ZFHX3: variants seen among roughly 807,000 people sequenced by gnomAD.
ZFHX3 encodes zinc finger homeobox 3.
A neutral mutation model predicts 279.1 loss-of-function variants in ZFHX3; 42 were observed. The ratio of observed to expected loss-of-function variants is 0.15; its 90% CI spans 0.12 to 0.19. The LOEUF (loss-of-function observed/expected upper bound fraction) is 0.19. Among genes scored for constraint, ZFHX3 ranks in the 10% least tolerant of loss-of-function variants. The probability of loss-of-function intolerance (pLI) is 1.00; values close to 1 mark genes in which losing one functional copy is unlikely to be tolerated. For synonymous variants in ZFHX3, 2,293 were observed against 1,957.8 expected (o/e 1.17, Z -4.52); for missense variants, 4,981 against 4,754.0 (o/e 1.05, Z -1.40).
chr16:73,845,376 G>A (rs1046342736), intron 1 of ZFHX3, among the ~76,000 whole-genome samples: 4 of 152,118 alleles, frequency 2.6e-5, no homozygotes, highest in Admixed American at 2.6e-4. Flanking sequence ...ATGCAAAGGA[G>A]CTAGTACAAG....
intron 1 of ZFHX3, among the ~76,000 whole-genome samples, chr16:73,749,463 A>G (rs906367103): frequency 6.6e-6 from 1 of 152,102 alleles, no homozygotes; most frequent in Non-Finnish European, 1.5e-5. Context: ...TATTACAGCT[A>G]TTTACTATGC....
intron 6 of ZFHX3, among the ~76,000 whole-genome samples, chr16:73,143,558 C>G (rs1408356626): frequency 6.6e-6 from 1 of 152,168 alleles, no homozygotes; most frequent in Non-Finnish European, 1.5e-5. Flanking sequence ...CCGAAAAATG[C>G]ACACAGAAAT....
At chr16:72,971,092 G>T (rs770175147) in intron 1 of ZFHX3, among the ~76,000 whole-genome samples, 2 of 152,096 alleles carry the variant, frequency 1.3e-5, no homozygotes, top group African/African-American at 4.8e-5. Flanking sequence ...CTCGGATCAC[G>T]CTGCTGTTTA....
chr16:73,610,178 C>G (rs2052230673), intron 2 of ZFHX3: 1 of 151,144 alleles, frequency 6.6e-6, no homozygotes, highest in Admixed American at 6.6e-5. Flanking sequence ...CCAAAGTATG[C>G]ACTTTCAGAA....
chr16:73,543,367 C>T (rs1216814658), intron 2 of ZFHX3, among the ~76,000 whole-genome samples: 1 of 152,194 alleles, frequency 6.6e-6, no homozygotes, highest in African/African-American at 2.4e-5. Flanking sequence ...TTATATGGAA[C>T]GCCTTCAGTT....
chr16:73,303,125 C>T (rs2015097593), intron 4 of ZFHX3, among the ~76,000 whole-genome samples: 1 of 151,798 alleles, frequency 6.6e-6, no homozygotes, highest in Non-Finnish European at 1.5e-5. Context: ...AACTCCTGGG[C>T]TCAAGTGATC....
At chr16:73,859,401 T>C (rs999725679) in intron 1 of ZFHX3, among the ~76,000 whole-genome samples, 4 of 152,200 alleles carry the variant, frequency 2.6e-5, no homozygotes, top group South Asian at 4.1e-4. Flanking sequence ...GGCCCTCCCT[T>C]GACTCCTGTC....
chr16:73,107,271 C>T (rs1427463950), intron 7 of ZFHX3, among the ~76,000 whole-genome samples: 1 of 151,902 alleles, frequency 6.6e-6, no homozygotes, highest in Non-Finnish European at 1.5e-5. Context: ...GATCATGCCA[C>T]TGCACTCCAG....
At chr16:73,849,876 G>C (rs189636528) in intron 1 of ZFHX3, among the ~76,000 whole-genome samples, 1 of 152,180 alleles carries the variant, frequency 6.6e-6, no homozygotes, top group African/African-American at 2.4e-5. Flanking sequence ...GGGATTACAG[G>C]CACCTGCCAC....
chr16:72,994,822 T>C (rs1200155172), intron 1 of ZFHX3, among the ~76,000 whole-genome samples: 1 of 152,244 alleles, frequency 6.6e-6, no homozygotes, highest in East Asian at 1.9e-4. Context: ...CCTAAAATTA[T>C]TCTCTTGGCA....
chr16:73,629,618 C>T (rs1567537244), intron 2 of ZFHX3, among the ~76,000 whole-genome samples: 1 of 151,140 alleles, frequency 6.6e-6, no homozygotes, highest in Admixed American at 6.6e-5. Context: ...AAAAGCAAAC[C>T]CAAATGCCAT....
At chr16:72,998,374 C>A (rs1963367998) in intron 1 of ZFHX3, among the ~76,000 whole-genome samples, 1 of 152,170 alleles carries the variant, frequency 6.6e-6, no homozygotes, top group African/African-American at 2.4e-5. Context: ...ACACTCCAGC[C>A]TGGGCAACAG....
chr16:73,299,929 C>T (rs970771202), intron 4 of ZFHX3, among the ~76,000 whole-genome samples: 13 of 152,268 alleles, frequency 8.5e-5, no homozygotes, highest in African/African-American at 2.9e-4. Context: ...AAGCATTTTA[C>T]AAATCTGAAT....
At chr16:73,123,298 T>A (rs1258176259) in intron 7 of ZFHX3, 1 of 147,596 alleles carries the variant, frequency 6.8e-6, no homozygotes, top group Non-Finnish European at 1.5e-5. Flanking sequence ...GTTATACTAC[T>A]CACGGGACAT....
chr16:72,794,956 G>T lies in ZFHX3; in HGVS notation c.7726C>A (p.Leu2576Ile), dbSNP rs1443372160. The T allele has an allele frequency of 6.2e-7, 1 of 1,614,160 alleles. No individual in the cohort carries two copies. Among genetic ancestry groups the T allele is most frequent in the East Asian group, 2.2e-5 (1 of 44,870 alleles). The change falls in exon 9 of 10, where the codon CTC becomes ATC. Residue 2576 changes from leucine (L) to isoleucine (I), a missense_variant. Transcript: ENST00000268489. The surrounding 1 kb of genome is among the most constrained non-coding windows in gnomAD (Gnocchi z 4.2). ...AGGAGTGGGTTACTGGGATCAAAGA[G>T]CATGAAAGGCATATCCAGGGACCTG... ...LDRSLDMPFM[L>I]FDPSNPLLAS...
intron 5 of ZFHX3, among the ~76,000 whole-genome samples, chr16:72,824,412 C>T (rs2036881842): frequency 6.6e-6 from 1 of 152,108 alleles, no homozygotes; most frequent in Non-Finnish European, 1.5e-5. Context: ...AAGTAAAATC[C>T]CTTCAGGCCA....
At chr16:73,200,744 T>C (rs532492149) in intron 5 of ZFHX3, among the ~76,000 whole-genome samples, 85 of 152,048 alleles carry the variant, frequency 5.6e-4, no homozygotes, top group Non-Finnish European at 8.1e-4. Context: ...GGACCAATTA[T>C]AGTTAATTTG....
chr16:72,814,007 T>A (rs2036535230), intron 5 of ZFHX3, among the ~76,000 whole-genome samples: 1 of 152,186 alleles, frequency 6.6e-6, no homozygotes, highest in South Asian at 2.1e-4. Flanking sequence ...TCATTTTGAT[T>A]TTTGCTTAGT....
intron 3 of ZFHX3, among the ~76,000 whole-genome samples, chr16:73,396,178 C>T (rs1345078144): frequency 6.6e-6 from 1 of 152,164 alleles, no homozygotes; most frequent in African/African-American, 2.4e-5. Context: ...CGGCGGGCAT[C>T]TTTCTCCACT....
Sources: gnomAD v4.1 joint callset for allele counts (sites outside exome capture counted in the v4.1 genomes callset) on GRCh38, gnomAD v4.1.1 for gene constraint, Gnocchi (gnomAD v3.1) non-coding constraint, MANE v1.5 for transcripts, NCBI Gene and HGNC (gene_info 2026-07-23, HGNC 2026-07-21) for gene names.